ADAM10: variants seen among roughly 807,000 people sequenced by gnomAD.
The protein encoded by ADAM10 is disintegrin and metalloproteinase domain-containing protein 10.
ADAM10 carries 17 observed loss-of-function variants against 90.1 expected under a neutral mutation model. The observed-to-expected ratio is 0.19, with a 90% CI of 0.13 to 0.28. The LOEUF (loss-of-function observed/expected upper bound fraction) is 0.28. ADAM10 is among the 10% of genes least tolerant of loss of function. The pLI, the probability that ADAM10 is intolerant of heterozygous loss-of-function variation, is 1.00. For synonymous variants in ADAM10, 310 were observed against 298.6 expected, an observed-to-expected ratio of 1.04 and a Z score of -0.40; for missense variants, 610 against 914.3, an observed-to-expected ratio of 0.67 and a Z score of 4.29.
chr15:58,692,522 C>T (rs757350152), intron 2 of ADAM10: 1 of 522,056 alleles, frequency 1.9e-6, no homozygotes, highest in South Asian at 1.5e-5. Context: ...TCCTCATCAT[C>T]ACTGATTTCC....
At chr15:58,749,279 G>A (rs1227578600) in intron 1 of ADAM10, among the ~76,000 whole-genome samples, 2 of 152,172 alleles carry the variant, frequency 1.3e-5, no homozygotes, top group African/African-American at 4.8e-5. Context: ...AGGCTTGGGA[G>A]CCTCCTCGGC....
rs568099192 is a variant in ADAM10 at position 58,731,884 on chromosome 15, T to C, written c.56-14157A>G. On this transcript the variant is annotated intron_variant, in intron 1 of 15. Transcript: ENST00000260408. Reference sequence around the variant, plus strand: ...CCATCTAGCTGGACAAGGGGAACATTCTCTGAATAGCAACCACACACATGT... The same window carrying C: ...CCATCTAGCTGGACAAGGGGAACATCCTCTGAATAGCAACCACACACATGT... Among the ~76,000 whole-genome samples the C allele has an allele frequency of 6.5e-3, 983 of 152,210 alleles. 17 individuals carry two copies. Among genetic ancestry groups the C allele is most frequent in the African/African-American group, 0.023 (937 of 41,532 alleles).
intron 14 of ADAM10, among the ~76,000 whole-genome samples, chr15:58,605,730 C>T (rs1300111219): frequency 6.6e-6 from 1 of 152,094 alleles, no homozygotes; most frequent in Non-Finnish European, 1.5e-5. Context: ...GACATCCAAC[C>T]ATTTTTCAAA....
intron 2 of ADAM10, among the ~76,000 whole-genome samples, chr15:58,689,903 T>C (rs570644440): frequency 2.1e-5 from 3 of 143,936 alleles, no homozygotes; most frequent in South Asian, 4.5e-4. Context: ...AGTACTCAAC[T>C]CATTTTATGT....
chr15:58,621,659 C>T (rs779065237), intron 10 of ADAM10, 38 bp from the exon 11 acceptor site: 3 of 1,610,700 alleles, frequency 1.9e-6, no homozygotes, highest in Non-Finnish European at 2.5e-6. Context: ...GCATTGTGTG[C>T]ACACATTAAT....
chr15:58,647,059 T>C (rs530257453), intron 5 of ADAM10, among the ~76,000 whole-genome samples: 52 of 152,200 alleles, frequency 3.4e-4, no homozygotes, highest in African/African-American at 6.7e-4. Flanking sequence ...TACCACTCCA[T>C]AGAATCATAC....
At chr15:58,605,512 A>G (rs528093528) in intron 14 of ADAM10, among the ~76,000 whole-genome samples, 2 of 152,252 alleles carry the variant, frequency 1.3e-5, no homozygotes, top group African/African-American at 2.4e-5. Flanking sequence ...AATATACTAT[A>G]AAATCAGGGA....
rs1894892986 is a variant in ADAM10 at position 58,594,212 on chromosome 15, T to C, written c.*3335A>G. 1 of 152,210 alleles carries C rather than the reference T, an allele frequency of 6.6e-6. No individual in the cohort carries two copies. Among genetic ancestry groups the C allele is most frequent in the Non-Finnish European group, 1.5e-5 (1 of 68,036 alleles). The allele number at this position is 152,210 out of a possible 1,614,324, so 9.4% of individuals were successfully genotyped here. A position where few individuals can be genotyped will look rare whatever the true frequency, so the allele number is the denominator to read the frequency against. ...ACCTTGACCCTTTAAATATGGATAATGAATATCTCTTCTTGTACTCCTCCA... is the reference window on the plus strand; with the variant it reads ...ACCTTGACCCTTTAAATATGGATAACGAATATCTCTTCTTGTACTCCTCCA... On this transcript the variant is annotated 3_prime_UTR_variant, in exon 16 of 16. Transcript: ENST00000260408.
chr15:58,685,381 A>T (rs2140760297), intron 2 of ADAM10, among the ~76,000 whole-genome samples: 1 of 151,290 alleles, frequency 6.6e-6, no homozygotes, highest in African/African-American at 2.4e-5. Context: ...GAATGGCGTG[A>T]ACCCGGGGGA....
chr15:58,714,054 T>G (rs1349379211), intron 2 of ADAM10, among the ~76,000 whole-genome samples: 3 of 152,164 alleles, frequency 2.0e-5, no homozygotes, highest in African/African-American at 7.2e-5. Flanking sequence ...TCCACCCGCC[T>G]CAGCCTCCCA....
At position 58,734,337 on chromosome 15, in the gene ADAM10, T is replaced by A. The variant is rs74587041; in HGVS notation, c.55+15143A>T. On this transcript the variant is annotated intron_variant, in intron 1 of 15. Transcript: ENST00000260408. ...TAGCCCATTTTAAAGAAAACTGAGGTTTGAGTGATATGTAACAAACCCAGT... is the reference window on the plus strand; with the variant it reads ...TAGCCCATTTTAAAGAAAACTGAGGATTGAGTGATATGTAACAAACCCAGT... 6.5e-3 allele frequency among the ~76,000 whole-genome samples: 982 copies of A among 152,060 alleles called. 17 individuals carry two copies. Among genetic ancestry groups the A allele is most frequent in the African/African-American group, 0.023 (936 of 41,466 alleles).
chr15:58,597,647 A>T lies in ADAM10; in HGVS notation c.2153-6T>A. 1.2e-6 allele frequency: 2 copies of T among 1,614,014 alleles called. No homozygotes were observed. Among genetic ancestry groups the T allele is most frequent in the Non-Finnish European group, 1.7e-6 (2 of 1,179,994 alleles). The stretch of plus-strand genomic sequence containing the variant: ...TCTCCTCCTCTTTAAAGTGCCTGTG[A>T]GCCACAAATAAAAGCAAAGCAGATT... On this transcript the variant is annotated splice_polypyrimidine_tract_variant and splice_region_variant and intron_variant, in intron 15 of 15. Transcript: ENST00000260408.
chr15:58,642,976 G>A (rs1164174821), intron 7 of ADAM10, among the ~76,000 whole-genome samples: 2 of 152,014 alleles, frequency 1.3e-5, no homozygotes, highest in Non-Finnish European at 2.9e-5. Context: ...AACTTCTCTA[G>A]TATAGACATT....
chr15:58,742,997 G>A (rs1270197413), intron 1 of ADAM10, among the ~76,000 whole-genome samples: 1 of 152,120 alleles, frequency 6.6e-6, no homozygotes, highest in East Asian at 1.9e-4. Flanking sequence ...GGTCAAGGCT[G>A]CAGTGAGCTG....
intron 8 of ADAM10, among the ~76,000 whole-genome samples, chr15:58,635,155 G>GC (rs2140678386): frequency 6.6e-6 from 1 of 150,886 alleles, no homozygotes; most frequent in Non-Finnish European, 1.5e-5. Context: ...GGTGCCTGTA[G>GC]CCCCAGCTAC....
chr15:58,734,100 A>G (rs1237138739), intron 1 of ADAM10, among the ~76,000 whole-genome samples: 1 of 152,166 alleles, frequency 6.6e-6, no homozygotes, highest in Non-Finnish European at 1.5e-5. Flanking sequence ...TTTATTTTTA[A>G]AAGTATCCTA....
At position 58,647,248 on chromosome 15, in the gene ADAM10, A is replaced by ATTTTTTTTTTTTTTTTTTTTTTTT. The variant is rs67378373; in HGVS notation, c.586-1068_586-1045dup. Among the ~76,000 whole-genome samples, 51 of 59,594 alleles carry ATTTTTTTTTTTTTTTTTTTTTTTT rather than the reference A, an allele frequency of 8.6e-4. 16 individuals are homozygous for ATTTTTTTTTTTTTTTTTTTTTTTT. Among genetic ancestry groups the ATTTTTTTTTTTTTTTTTTTTTTTT allele is most frequent in the Non-Finnish European group, 1.3e-3 (36 of 27,844 alleles). The allele number at this position is 59,594 out of a possible 152,430, so 39.1% of individuals were successfully genotyped here. A position where few individuals can be genotyped will look rare whatever the true frequency, so the allele number is the denominator to read the frequency against. On this transcript the variant is annotated intron_variant, in intron 5 of 15. Transcript: ENST00000260408. ...TGGCAGCAAAGAGTAGACACTAAGT[A>ATTTTTTTTTTTTTTTTTTTTTTTT]TTTTTTTTTTTTTTTTTTTTTTTTT...
At position 58,597,598 on chromosome 15, in the gene ADAM10, G is replaced by C; in HGVS notation, c.2196C>G (p.Pro732=). The C allele has an allele frequency of 6.2e-7, 1 of 1,614,086 alleles. No homozygotes were observed. Among genetic ancestry groups the C allele is most frequent in the Non-Finnish European group, 8.5e-7 (1 of 1,180,006 alleles). ...AACTCTCTCGGGGCCGCTGACGCTG[G>C]GGTTGCTGAATGGGCTGTGGAGGTC... ...RRRPPQPIQQ[P]QRQRPRESYQ... is the part of the protein sequence containing the mutation. Residue 732 remains proline (P), a synonymous_variant, in exon 16 of 16, where the codon CCC becomes CCG. Coordinates refer to ENST00000260408, the MANE Select transcript of ADAM10 (RefSeq NM_001110.4).
At chr15:58,654,778 C>T (rs554866933) in intron 5 of ADAM10, among the ~76,000 whole-genome samples, 1 of 152,270 alleles carries the variant, frequency 6.6e-6, no homozygotes, top group East Asian at 1.9e-4. Flanking sequence ...ATATTGTTTA[C>T]TTTCCATGTG....
Sources: allele counts gnomAD v4.1 joint callset (sites outside exome capture counted in the v4.1 genomes callset), GRCh38; gene constraint gnomAD v4.1.1; transcripts MANE v1.5; gene names NCBI Gene and HGNC (gene_info 2026-07-23, HGNC 2026-07-21).